SNAPC3: variants seen among roughly 807,000 people sequenced by gnomAD.
SNAPC3 encodes small nuclear RNA activating complex polypeptide 3, also known as snRNA-activating protein complex subunit 3.
Under a neutral mutation model 47.7 loss-of-function variants are expected in SNAPC3, and 56 were observed. That is an observed-to-expected ratio of 1.18 (90% CI 0.95 to 1.47). The LOEUF (loss-of-function observed/expected upper bound fraction) is 1.47, where lower values mean the gene tolerates loss of function less well. Among genes scored for constraint, SNAPC3 ranks in the 40% most tolerant of loss-of-function variants. The pLI is 0.00. For missense variants in SNAPC3, 665 were observed against 511.3 expected (o/e 1.30, Z -2.90); for synonymous variants, 235 against 189.9 (o/e 1.24, Z -1.95).
chr9:15,433,937 T>C (rs560165002), intron 3 of SNAPC3: 5 of 203,448 alleles, frequency 2.5e-5, no homozygotes, highest in Non-Finnish European at 4.9e-5. Flanking sequence ...GTTCTGCTCC[T>C]GATTTTGGTT....
chr9:15,466,704 G>T, downstream of SNAPC3: 1 of 1,466,314 alleles, frequency 6.8e-7, no homozygotes, highest in Non-Finnish European at 9.4e-7. Flanking sequence ...TTAAAAACCT[G>T]AATAATAAAA....
chr9:15,425,453 T>C (rs539593806), intron 2 of SNAPC3, among the ~76,000 whole-genome samples: 2 of 152,228 alleles, frequency 1.3e-5, no homozygotes, highest in East Asian at 1.9e-4. Flanking sequence ...CCTGACCTCA[T>C]GTGATCTGCC....
At chr9:15,447,824 G>T (rs2034067232) in intron 5 of SNAPC3, among the ~76,000 whole-genome samples, 1 of 152,154 alleles carries the variant, frequency 6.6e-6, no homozygotes, top group Admixed American at 6.5e-5. Flanking sequence ...ACCCAACAAG[G>T]AGAGAGCATA....
At chr9:15,459,654 C>A in intron 8 of SNAPC3, 65 bp from the exon 9 acceptor site, 1 of 1,277,290 alleles carries the variant, frequency 7.8e-7, no homozygotes, top group South Asian at 1.3e-5. Context: ...TGCTACAGGT[C>A]ATAAAGCATG....
chr9:15,424,786 G>T (rs1254575005), intron 2 of SNAPC3, among the ~76,000 whole-genome samples: 2 of 152,168 alleles, frequency 1.3e-5, no homozygotes, highest in African/African-American at 4.8e-5. Flanking sequence ...TACTACCTCA[G>T]CTATGTTCTG....
chr9:15,463,915 T>C (rs1375003447), downstream of SNAPC3: 2 of 157,222 alleles, frequency 1.3e-5, no homozygotes, highest in Non-Finnish European at 1.4e-5. Flanking sequence ...CCTTTATTTT[T>C]TATCATCTTG....
chr9:15,452,949 G>C, intron 6 of SNAPC3, 92 bp from the exon 7 acceptor site: 1 of 1,058,106 alleles, frequency 9.5e-7, no homozygotes, highest in Non-Finnish European at 1.4e-6. Context: ...GGGTGAGCTA[G>C]GTTAATGTGA....
chr9:15,448,545 TGTA>T (rs1461880435), intron 5 of SNAPC3, among the ~76,000 whole-genome samples: 1 of 152,190 alleles, frequency 6.6e-6, no homozygotes, highest in Non-Finnish European at 1.5e-5. Flanking sequence ...TTTTGTCCAT[TGTA>T]GTATGTATTT....
Position 15,453,047 on chromosome 9 carries a change from C to G in SNAPC3, c.822C>G (p.Ile274Met). ...TTGCCTTTTCCCCCCTCAGAACTAT[C>G]ATTGAGTGGTCAGAGTCCCATGATA... ...YPECRDLSRT[I>M]IEWSESHDRG... The change falls in exon 7 of 9, where the codon ATC (isoleucine) becomes ATG (methionine). Residue 274 changes from isoleucine (I) to methionine (M), a missense_variant. Ile to Met is a conservative substitution (Grantham distance 10). Coordinates refer to ENST00000380821, the MANE Select transcript of SNAPC3 (RefSeq NM_001039697.2). 6.2e-7 allele frequency: 1 copy of G among 1,611,962 alleles called. No individual in the cohort carries two copies. The highest frequency in any genetic ancestry group is 1.1e-5 in the South Asian group (1 of 90,600).
intron 3 of SNAPC3, among the ~76,000 whole-genome samples, chr9:15,441,214 A>T (rs957486752): frequency 6.7e-6 from 1 of 148,614 alleles, no homozygotes; most frequent in Non-Finnish European, 1.5e-5. Context: ...CGTTATTATT[A>T]TTTTTTTAAT....
At chr9:15,433,339 G>A (rs983901551) in intron 2 of SNAPC3, among the ~76,000 whole-genome samples, 12 of 151,762 alleles carry the variant, frequency 7.9e-5, no homozygotes, top group African/African-American at 2.9e-4. Context: ...TAATAATATT[G>A]TGTAAGAATT....
Position 15,423,938 on chromosome 9 carries a change from G to C in SNAPC3, c.344G>C (p.Gly115Ala), listed in dbSNP as rs779571097. 2 of 1,587,476 alleles carry C rather than the reference G, an allele frequency of 1.3e-6. No individual in the cohort carries two copies. Among genetic ancestry groups the C allele is most frequent in the Non-Finnish European group, 8.6e-7 (1 of 1,168,118 alleles). The change falls in exon 2 of 9, where the codon GGT becomes GCT. Residue 115 changes from glycine (G) to alanine (A), a missense_variant. Transcript: ENST00000380821. Reference sequence around the variant, plus strand: ...GATAAACTGAAATGCCTTGAGGACGGTGAGGATCCAGAAGTCATTCCGGAG... The same window carrying C: ...GATAAACTGAAATGCCTTGAGGACGCTGAGGATCCAGAAGTCATTCCGGAG... ...GLDKLKCLEDGEDPEVIPENT... is the reference protein window; with the variant it reads ...GLDKLKCLEDAEDPEVIPENT...
At chr9:15,454,160 G>A (rs985681893) in intron 7 of SNAPC3, among the ~76,000 whole-genome samples, 2 of 151,842 alleles carry the variant, frequency 1.3e-5, no homozygotes, top group African/African-American at 4.8e-5. Flanking sequence ...AGACCAGGAG[G>A]TCAAGGCTGC....
chr9:15,428,098 G>A (rs1376361898), intron 2 of SNAPC3, among the ~76,000 whole-genome samples: 2 of 114,684 alleles, frequency 1.7e-5, no homozygotes, highest in Admixed American at 1.1e-4. Context: ...GTGACACAGC[G>A]CAACTCTGTC....
intron 4 of SNAPC3, among the ~76,000 whole-genome samples, chr9:15,445,266 C>A (rs2033838005): frequency 6.6e-6 from 1 of 152,186 alleles, no homozygotes; most frequent in South Asian, 2.1e-4. Context: ...GATTTCTGCA[C>A]TAGAAGCAAC....
intron 7 of SNAPC3, among the ~76,000 whole-genome samples, chr9:15,456,470 CTTT>C (rs113404009): frequency 8.8e-5 from 13 of 147,332 alleles, no homozygotes; most frequent in Admixed American, 6.8e-4. Context: ...ACAATTTACA[CTTT>C]TTTTTTTTTC....
chr9:15,439,765 C>T (rs1193592909), intron 3 of SNAPC3, among the ~76,000 whole-genome samples: 1 of 152,134 alleles, frequency 6.6e-6, no homozygotes, highest in African/African-American at 2.4e-5. Flanking sequence ...AACTCCTAAC[C>T]TCAAGTGATC....
At chr9:15,442,713 C>T (rs2033580562) in intron 3 of SNAPC3, among the ~76,000 whole-genome samples, 1 of 152,002 alleles carries the variant, frequency 6.6e-6, no homozygotes, top group South Asian at 2.1e-4. Context: ...AGGGGCTCCT[C>T]ACATCCCAGA....
At chr9:15,453,918 A>G (rs947592628) in intron 7 of SNAPC3, among the ~76,000 whole-genome samples, 5 of 152,192 alleles carry the variant, frequency 3.3e-5, no homozygotes, top group African/African-American at 4.8e-5. Flanking sequence ...TACTGGTATT[A>G]ATTAGTAATT....
Sources: allele counts gnomAD v4.1 joint callset (sites outside exome capture counted in the v4.1 genomes callset), GRCh38; gene constraint gnomAD v4.1.1; transcripts MANE v1.5; gene names NCBI Gene and HGNC (gene_info 2026-07-23, HGNC 2026-07-21).